Variants in ATXN8OS observed in about 807,000 individuals in gnomAD.
The protein encoded by ATXN8OS is ATXN8 opposite strand (non-protein coding).
chr13:70,112,920 A>ATATATATATT (rs1555298511), intron 1 of ATXN8OS, among the ~76,000 whole-genome samples: 18 of 87,590 alleles, frequency 2.1e-4, no homozygotes, highest in African/African-American at 5.3e-4. Flanking sequence ...TATATATATA[A>ATATATATATT]TTTTTTTTTT....
At chr13:70,153,106 A>G (rs1888893150) in intron 4 of ATXN8OS, among the ~76,000 whole-genome samples, 1 of 151,896 alleles carries the variant, frequency 6.6e-6, no homozygotes, top group Admixed American at 6.6e-5. Flanking sequence ...ACCGGGAGAG[A>G]AAGAAAAAAA....
At chr13:70,121,234 C>A (rs1020971705) in intron 2 of ATXN8OS, among the ~76,000 whole-genome samples, 6 of 151,906 alleles carry the variant, frequency 3.9e-5, no homozygotes, top group African/African-American at 7.3e-5. Flanking sequence ...GGAAACCTCA[C>A]AAATTAGACA....
chr13:70,107,993 C>T, exon 1 of ATXN8OS: 1 of 441,214 alleles, frequency 2.3e-6, no homozygotes, highest in South Asian at 6.8e-5. Flanking sequence ...CCTCGATGCC[C>T]GCGCGAGAGC....
intron 3 of ATXN8OS, chr13:70,130,922 TAACTATGGA>T: frequency 2.5e-6 from 1 of 398,466 alleles, no homozygotes; most frequent in Non-Finnish European, 4.4e-6. Context: ...TCTCTCATGT[TAACTATGGA>T]AAAAATAAAG....
At chr13:70,151,491 T>C (rs780852271) in intron 4 of ATXN8OS, among the ~76,000 whole-genome samples, 1 of 151,932 alleles carries the variant, frequency 6.6e-6, no homozygotes, top group Non-Finnish European at 1.5e-5. Context: ...GAAAAATGAA[T>C]GTATAGAGAA....
chr13:70,144,217 C>T (rs1222498144), intron 3 of ATXN8OS, among the ~76,000 whole-genome samples: 1 of 152,098 alleles, frequency 6.6e-6, no homozygotes, highest in African/African-American at 2.4e-5. Flanking sequence ...CACATATGCA[C>T]TGTCTCTTAT....
intron 4 of ATXN8OS, among the ~76,000 whole-genome samples, chr13:70,166,094 C>T (rs1228105502): frequency 1.3e-5 from 2 of 152,012 alleles, no homozygotes; most frequent in African/African-American, 2.4e-5. Flanking sequence ...TGATGAAGCA[C>T]ATGAATATCT....
chr13:70,157,638 C>T (rs919282869), intron 4 of ATXN8OS, among the ~76,000 whole-genome samples: 1 of 152,014 alleles, frequency 6.6e-6, no homozygotes, highest in African/African-American at 2.4e-5. Context: ...CTCATTCTCT[C>T]TTATTGAACG....
upstream of ATXN8OS, chr13:70,107,759 T>A (rs1459536777): frequency 1.7e-5 from 23 of 1,340,940 alleles, no homozygotes; most frequent in Non-Finnish European, 2.0e-5. Context: ...GGTCAGCAGG[T>A]GGGGGAGGAC....
intron 1 of ATXN8OS, among the ~76,000 whole-genome samples, chr13:70,110,485 G>A (rs541650853): frequency 6.7e-6 from 1 of 150,310 alleles, no homozygotes; most frequent in Non-Finnish European, 1.5e-5. Flanking sequence ...CAGTGTTGTA[G>A]AAAAGGAAGG....
chr13:70,130,163 A>G (rs767441375), intron 3 of ATXN8OS, among the ~76,000 whole-genome samples: 1 of 152,190 alleles, frequency 6.6e-6, no homozygotes, highest in Non-Finnish European at 1.5e-5. Flanking sequence ...AAGAGGAAAG[A>G]CATAATTACA....
At chr13:70,117,111 T>C (rs1484472201) in intron 2 of ATXN8OS, among the ~76,000 whole-genome samples, 1 of 152,052 alleles carries the variant, frequency 6.6e-6, no homozygotes, top group East Asian at 1.9e-4. Context: ...GAATATGTTT[T>C]ATACCTAATT....
intron 4 of ATXN8OS, among the ~76,000 whole-genome samples, chr13:70,150,485 GT>G (rs1888852131): frequency 6.6e-6 from 1 of 152,068 alleles, no homozygotes; most frequent in South Asian, 2.1e-4. Context: ...AGAGATTATA[GT>G]TTTCTATGTG....
At chr13:70,148,884 G>A (rs115161254) in intron 4 of ATXN8OS, among the ~76,000 whole-genome samples, 1 of 152,074 alleles carries the variant, frequency 6.6e-6, no homozygotes, top group African/African-American at 2.4e-5. Flanking sequence ...GATTACAGCA[G>A]GGTATAGTTT....
chr13:70,114,932 G>A (rs1378217216), intron 1 of ATXN8OS, among the ~76,000 whole-genome samples: 1 of 151,950 alleles, frequency 6.6e-6, no homozygotes, highest in East Asian at 1.9e-4. Flanking sequence ...ACTCATTAAA[G>A]GCAGAGATTC....
intron 4 of ATXN8OS, among the ~76,000 whole-genome samples, chr13:70,151,769 T>C (rs1290969466): frequency 2.6e-5 from 4 of 152,108 alleles, no homozygotes; most frequent in Non-Finnish European, 4.4e-5. Flanking sequence ...ATATATGTTT[T>C]AGAAGTCATC....
chr13:70,121,172 G>T (rs886752654), intron 2 of ATXN8OS, among the ~76,000 whole-genome samples: 1 of 151,778 alleles, frequency 6.6e-6, no homozygotes, highest in Non-Finnish European at 1.5e-5. Context: ...AAGACAAAGA[G>T]AATAAATAAA....
chr13:70,165,182 A>T (rs963549221), intron 4 of ATXN8OS, among the ~76,000 whole-genome samples: 3 of 151,956 alleles, frequency 2.0e-5, no homozygotes, highest in Non-Finnish European at 4.4e-5. Context: ...AGTTATCAGG[A>T]AAACGAAAGC....
chr13:70,136,272 A>G (rs944468153), intron 3 of ATXN8OS, among the ~76,000 whole-genome samples: 2 of 152,176 alleles, frequency 1.3e-5, no homozygotes, highest in African/African-American at 4.8e-5. Context: ...AGTTCGTTAT[A>G]TAGCAACTCA....
Sources: allele counts gnomAD v4.1 joint callset (sites outside exome capture counted in the v4.1 genomes callset), GRCh38; gene constraint gnomAD v4.1.1; transcripts MANE v1.5; gene names NCBI Gene and HGNC (gene_info 2026-07-23, HGNC 2026-07-21).